Variants in CRYBG3 observed in about 807,000 individuals in gnomAD.
CRYBG3 encodes the protein very large A-kinase anchor protein.
CRYBG3 carries 127 observed loss-of-function variants against 244.2 expected under a neutral mutation model. The observed-to-expected ratio is 0.52, with a 90% CI of 0.45 to 0.60. CRYBG3 has a LOEUF of 0.60. CRYBG3 is among the 20% of genes least tolerant of loss of function. The probability of loss-of-function intolerance (pLI) is 0.00; values close to 1 mark genes in which losing one functional copy is unlikely to be tolerated. For synonymous variants in CRYBG3, 1,132 were observed against 1,195.8 expected (o/e 0.95, Z 1.10); for missense variants, 3,325 against 3,442.5 (o/e 0.97, Z 0.85).
In CRYBG3 at chr3:97,864,478, A is replaced by G. The variant is rs563754232; in HGVS notation, c.478A>G (p.Ser160Gly). ...AACTGAGAAGGATTTACAAAATCCC[A>G]GTGACCATCATGAAGACGGGATCAA... ...DKTEKDLQNP[S>G]DHHEDGIKRE... is the part of the protein sequence containing the mutation. Residue 160 changes from serine (S) to glycine (G), a missense_variant, in exon 3 of 22, where the codon AGT (serine) becomes GGT (glycine). Around this residue, in one of 4 missense-constraint regions of CRYBG3, gnomAD observed 1,526 missense variants for 1,443.2 expected, o/e 1.06. Transcript: ENST00000389622. The G allele has an allele frequency of 4.8e-5, 73 of 1,535,918 alleles. No individual in the cohort carries two copies. The highest frequency in any genetic ancestry group is 5.8e-5 in the Non-Finnish European group (67 of 1,146,836).
In CRYBG3 at chr3:97,853,272, T is replaced by C. The variant is rs535082050; in HGVS notation, c.216+10011T>C. On this transcript the variant is annotated intron_variant, in intron 2 of 21. Transcript: ENST00000389622. ...AGAACATATGATGTTTGGTTTTCCA[T>C]TCCTGAGTTACTTCTCTTAGAATAA... Among the ~76,000 whole-genome samples, 3 of 150,980 alleles carry C rather than the reference T, an allele frequency of 2.0e-5. No homozygotes were observed. The South Asian group carries it at 6.4e-4, about 32-fold the overall frequency.
intron 1 of CRYBG3, among the ~76,000 whole-genome samples, chr3:97,832,622 G>A (rs1173614304): frequency 6.6e-6 from 1 of 152,050 alleles, no homozygotes; most frequent in Non-Finnish European, 1.5e-5. Flanking sequence ...AACCCTAAAA[G>A]AAAACCTAAG....
Position 97,871,914 on chromosome 3 carries a change from A to T in CRYBG3, c.720A>T (p.Lys240Asn). The T allele has an allele frequency of 1.3e-6, 2 of 1,535,520 alleles. No individual in the cohort carries two copies. Among genetic ancestry groups the T allele is most frequent in the Middle Eastern group, 1.7e-4 (1 of 5,984 alleles). ...ATYRGPRHIG[K>N]YLKQQTGLAT... ...ATCGAGGCCCAAGACACATTGGGAA[A>T]TATTTAAAGCAACAGACAGGCTTGG... The change falls in exon 4 of 22, where the codon AAA becomes AAT. Residue 240 changes from lysine (K) to asparagine (N), a missense_variant. This residue lies in a region of CRYBG3 where 1,526 missense variants were observed against 1,443.2 expected (regional missense o/e 1.06). Transcript: ENST00000389622.
intron 15 of CRYBG3, among the ~76,000 whole-genome samples, chr3:97,910,590 C>T (rs1220153318): frequency 1.3e-5 from 2 of 152,222 alleles, no homozygotes; most frequent in African/African-American, 2.4e-5. Context: ...TGAGGCAATG[C>T]CTCTCCCTGC....
At chr3:97,829,779 A>G (rs569246898) in intron 1 of CRYBG3, among the ~76,000 whole-genome samples, 1 of 152,328 alleles carries the variant, frequency 6.6e-6, no homozygotes, top group South Asian at 2.1e-4. Context: ...GCCTCAAAGC[A>G]TGCATGCAGT....
At chr3:97,837,552 C>T (rs916010714) in intron 1 of CRYBG3, among the ~76,000 whole-genome samples, 3 of 152,112 alleles carry the variant, frequency 2.0e-5, no homozygotes, top group Non-Finnish European at 4.4e-5. Flanking sequence ...AGGATAATTT[C>T]AGGCGGCATC....
chr3:97,915,053 GGTTTT>G (rs2039912337), intron 16 of CRYBG3, among the ~76,000 whole-genome samples: 1 of 152,068 alleles, frequency 6.6e-6, no homozygotes, highest in Non-Finnish European at 1.5e-5. Flanking sequence ...CTAGGTGACA[GGTTTT>G]ATATACTCTT....
At chr3:97,939,429 G>A (rs553025033) in intron 19 of CRYBG3, among the ~76,000 whole-genome samples, 5 of 152,104 alleles carry the variant, frequency 3.3e-5, no homozygotes, top group African/African-American at 1.2e-4. Flanking sequence ...TCATATTCTT[G>A]TTTAGAAATT....
chr3:97,850,031 T>C (rs1379338053), intron 2 of CRYBG3, among the ~76,000 whole-genome samples: 1 of 152,148 alleles, frequency 6.6e-6, no homozygotes, highest in Non-Finnish European at 1.5e-5. Context: ...TGATAAAGCC[T>C]GCTATTTCAC....
intron 3 of CRYBG3, among the ~76,000 whole-genome samples, chr3:97,866,128 T>C (rs1212718871): frequency 6.6e-6 from 1 of 152,046 alleles, no homozygotes; most frequent in Admixed American, 6.6e-5. Flanking sequence ...AAATGAGAGT[T>C]TTTTCCCCTG....
chr3:97,847,075 C>G (rs1018630452), intron 2 of CRYBG3, among the ~76,000 whole-genome samples: 1 of 152,122 alleles, frequency 6.6e-6, no homozygotes, highest in Non-Finnish European at 1.5e-5. Context: ...CCACACACTT[C>G]TAAACAACCA....
At position 97,941,322 on chromosome 3, in the gene CRYBG3, G is replaced by A. The variant is rs775747216; in HGVS notation, c.8664+16G>A. On this transcript the variant is annotated intron_variant, in intron 20 of 21. Coordinates refer to ENST00000389622, the MANE Select transcript of CRYBG3 (RefSeq NM_153605.4). Reference sequence around the variant, plus strand: ...TAAATCCAAGGTAAGCAATCCCACTGATACAGTATGCCACTTTCTGGTCTG... The same window carrying A: ...TAAATCCAAGGTAAGCAATCCCACTAATACAGTATGCCACTTTCTGGTCTG... The A allele has an allele frequency of 3.2e-6, 5 of 1,572,286 alleles. No individual in the cohort carries two copies. The highest frequency in any genetic ancestry group is 1.4e-5 in the African/African-American group (1 of 73,684).
chr3:97,830,862 A>G (rs2038645459), intron 1 of CRYBG3, among the ~76,000 whole-genome samples: 1 of 152,142 alleles, frequency 6.6e-6, no homozygotes, highest in Admixed American at 6.6e-5. Flanking sequence ...TATCTTAACG[A>G]TTTAGAATGG....
At chr3:97,853,028 AAT>A (rs1460556714) in intron 2 of CRYBG3, among the ~76,000 whole-genome samples, 1 of 152,004 alleles carries the variant, frequency 6.6e-6, no homozygotes, top group East Asian at 1.9e-4. Flanking sequence ...TAATTATTTT[AAT>A]AGTTTAGTAG....
intron 2 of CRYBG3, among the ~76,000 whole-genome samples, chr3:97,861,889 T>C (rs1316815910): frequency 6.6e-6 from 1 of 152,174 alleles, no homozygotes; most frequent in Non-Finnish European, 1.5e-5. Flanking sequence ...CAGTGTATTT[T>C]TCCTGCTACT....
At chr3:97,907,656 G>C (rs1441786486) in intron 15 of CRYBG3, among the ~76,000 whole-genome samples, 3 of 148,256 alleles carry the variant, frequency 2.0e-5, no homozygotes, top group African/African-American at 7.5e-5. Context: ...TATTAGTCTT[G>C]CTAGCGGTCT....
chr3:97,851,318 T>A (rs2038983040), intron 2 of CRYBG3, among the ~76,000 whole-genome samples: 1 of 152,126 alleles, frequency 6.6e-6, no homozygotes, highest in South Asian at 2.1e-4. Flanking sequence ...TAACTAGAAT[T>A]ATTTAATAAG....
intron 2 of CRYBG3, among the ~76,000 whole-genome samples, chr3:97,859,451 A>AG (rs1236777743): frequency 2.6e-5 from 4 of 152,214 alleles, no homozygotes; most frequent in Non-Finnish European, 5.9e-5. Flanking sequence ...CCTGCAAAAA[A>AG]GTTCAGACAT....
Position 97,876,529 on chromosome 3 carries a change from G to A in CRYBG3, c.5335G>A (p.Gly1779Arg). ...CAAAGGTTTTACCGGGAACACTGAA[G>A]GGTCTGTGTTGAAAATGGAAGCTAC... Reference protein sequence around the residue: ...NAKGFTGNTEGSVLKMEATYR... With the variant: ...NAKGFTGNTERSVLKMEATYR... Residue 1779 changes from glycine to arginine, a missense_variant, in exon 4 of 22, where the codon GGG becomes AGG. Coordinates refer to ENST00000389622, the MANE Select transcript of CRYBG3 (RefSeq NM_153605.4). The A allele has an allele frequency of 4.9e-6, 6 of 1,232,168 alleles. No homozygotes were observed. The highest frequency in any genetic ancestry group is 6.1e-6 in the Non-Finnish European group (6 of 987,990). The allele number at this position is 1,232,168 out of a possible 1,614,324, so 76.3% of individuals were successfully genotyped here. A position where few individuals can be genotyped will look rare whatever the true frequency, so the allele number is the denominator to read the frequency against.
Sources: gnomAD v4.1 joint callset for allele counts (sites outside exome capture counted in the v4.1 genomes callset) on GRCh38, gnomAD v4.1.1 for gene constraint, gnomAD v4.1.1 regional missense constraint, MANE v1.5 for transcripts, NCBI Gene and HGNC (gene_info 2026-07-23, HGNC 2026-07-21) for gene names.